ANO10: variants seen among roughly 807,000 people sequenced by gnomAD.
ANO10 encodes the protein anoctamin-10.
In ANO10, 77 loss-of-function variants were observed where a neutral mutation model predicts 74.7. The observed-to-expected ratio is 1.03, with a 90% CI of 0.86 to 1.25. ANO10 has a LOEUF of 1.25. Ranked by LOEUF, ANO10 falls within the 50% of genes most tolerant of loss-of-function variation. ANO10 has a pLI of 0.00. For missense variants in ANO10, 721 were observed against 778.1 expected, an observed-to-expected ratio of 0.93 and a Z score of 0.87; for synonymous variants, 279 against 284.9, an observed-to-expected ratio of 0.98 and a Z score of 0.21.
In ANO10 at chr3:43,473,556, T is replaced by C. The variant is rs144661634; in HGVS notation, c.1798-40829A>G. Among the ~76,000 whole-genome samples, 168 of 152,312 alleles carry C rather than the reference T, an allele frequency of 1.1e-3. 2 individuals carry two copies. The East Asian group carries it at 0.027, about 25-fold the overall frequency. On this transcript the variant is annotated intron_variant, in intron 11 of 12. Transcript: ENST00000292246. ...TCTGTTGACTTTTCTCATGTGTCAA[T>C]TTACCAGAATGGTAGGAAAGAAATC...
chr3:43,559,095 T>C (rs1444877148), intron 9 of ANO10, among the ~76,000 whole-genome samples: 1 of 152,216 alleles, frequency 6.6e-6, no homozygotes, highest in Non-Finnish European at 1.5e-5. Context: ...ATTAATGACA[T>C]AGAGCTTCAT....
chr3:43,661,345 G>C (rs1279780199), intron 1 of ANO10, among the ~76,000 whole-genome samples: 1 of 152,116 alleles, frequency 6.6e-6, no homozygotes, highest in Non-Finnish European at 1.5e-5. Flanking sequence ...CTTTACAGAC[G>C]AGCAAATGCT....
chr3:43,537,839 AT>A (rs1429637422), intron 11 of ANO10, among the ~76,000 whole-genome samples: 2 of 152,176 alleles, frequency 1.3e-5, no homozygotes, highest in Non-Finnish European at 2.9e-5. Flanking sequence ...AACATCTTAC[AT>A]CTGTAAGCAC....
chr3:43,622,591 C>G (rs1033070373), upstream of ANO10, among the ~76,000 whole-genome samples: 3 of 152,212 alleles, frequency 2.0e-5, no homozygotes. Flanking sequence ...CCAACCACAG[C>G]CAAATCCCAA....
intron 1 of ANO10, among the ~76,000 whole-genome samples, chr3:43,653,280 A>G (rs921990759): frequency 2.6e-5 from 4 of 152,346 alleles, no homozygotes; most frequent in African/African-American, 9.6e-5. Context: ...CAGACAATTC[A>G]TAATATAAGA....
intron 11 of ANO10, among the ~76,000 whole-genome samples, chr3:43,532,305 G>C (rs1432674615): frequency 1.3e-5 from 2 of 152,162 alleles, no homozygotes; most frequent in African/African-American, 4.8e-5. Context: ...AAGATTAGGG[G>C]AGAAAAAGCC....
intron 7 of ANO10, among the ~76,000 whole-genome samples, chr3:43,567,948 G>A (rs2080462931): frequency 6.6e-6 from 1 of 152,094 alleles, no homozygotes; most frequent in South Asian, 2.1e-4. Flanking sequence ...CATCTCACGT[G>A]CAGAGACACC....
chr3:43,568,607 G>A (rs2080507928), intron 7 of ANO10, among the ~76,000 whole-genome samples: 1 of 148,532 alleles, frequency 6.7e-6, no homozygotes, highest in African/African-American at 2.5e-5. Flanking sequence ...ACGAAATGAA[G>A]GCAGAAATAA....
chr3:43,598,565 G>A lies in ANO10; in HGVS notation c.439C>T (p.Pro147Ser), dbSNP rs760118437. The A allele has an allele frequency of 5.0e-6, 8 of 1,612,876 alleles. No homozygotes were observed. The highest frequency in any genetic ancestry group is 1.6e-4 in the Middle Eastern group (1 of 6,072). Residue 147 changes from proline to serine, a missense_variant, in exon 4 of 13, where the codon CCT becomes TCT. Transcript: ENST00000292246. The stretch of plus-strand genomic sequence containing the variant: ...TTTCCTGGATACAACTTTGCCTGAG[G>A]GTAACCAGGGATCATTTTTTCATCT... ...AKDEKMIPGY[P>S]QAKLYPGKSL... is the part of the protein sequence containing the mutation.
chr3:43,565,078 T>C (rs2149358214), intron 8 of ANO10, among the ~76,000 whole-genome samples: 1 of 152,296 alleles, frequency 6.6e-6, no homozygotes, highest in Non-Finnish European at 1.5e-5. Context: ...TCTCAGAATA[T>C]TAAAACTGGG....
At chr3:43,554,940 T>C (rs2079664764) in intron 10 of ANO10, among the ~76,000 whole-genome samples, 1 of 152,210 alleles carries the variant, frequency 6.6e-6, no homozygotes, top group Non-Finnish European at 1.5e-5. Flanking sequence ...AGGCTCCCCA[T>C]GTGGCTTCCA....
At chr3:43,527,268 A>G (rs1292249087) in intron 11 of ANO10, among the ~76,000 whole-genome samples, 2 of 152,150 alleles carry the variant, frequency 1.3e-5, no homozygotes, top group East Asian at 1.9e-4. Flanking sequence ...TACAGATGAC[A>G]TATTAGAGGT....
intron 12 of ANO10, among the ~76,000 whole-genome samples, chr3:43,375,063 G>C (rs2091750097): frequency 6.6e-6 from 1 of 152,012 alleles, no homozygotes. Flanking sequence ...GGAGGGTGCA[G>C]TGAGCCGAGA....
intron 11 of ANO10, chr3:43,485,287 C>G: frequency 1.7e-6 from 1 of 589,438 alleles, no homozygotes; most frequent in Non-Finnish European, 3.1e-6. Flanking sequence ...TTGCCACCGT[C>G]GCAGACCCGC....
upstream of ANO10, among the ~76,000 whole-genome samples, chr3:43,622,316 G>C (rs2083436821): frequency 6.6e-6 from 1 of 152,162 alleles, no homozygotes; most frequent in Non-Finnish European, 1.5e-5. Context: ...AAATCCGGAC[G>C]GCAGCGGGAG....
chr3:43,520,148 C>T (rs1455719652), intron 11 of ANO10, among the ~76,000 whole-genome samples: 2 of 152,210 alleles, frequency 1.3e-5, no homozygotes, highest in East Asian at 3.9e-4. Context: ...CCCTTCCTGG[C>T]CTGGTCCATA....
chr3:43,381,450 A>G (rs1475241383), intron 12 of ANO10, among the ~76,000 whole-genome samples: 1 of 152,198 alleles, frequency 6.6e-6, no homozygotes, highest in Non-Finnish European at 1.5e-5. Context: ...CTTTAAAACA[A>G]CAACAGTTAA....
intron 11 of ANO10, among the ~76,000 whole-genome samples, chr3:43,460,362 ACT>A (rs1172917461): frequency 2.0e-5 from 3 of 152,278 alleles, no homozygotes; most frequent in Admixed American, 6.5e-5. Context: ...CAGCTAAGTA[ACT>A]CTCAGATGCA....
At chr3:43,672,053 G>T (rs2084065530) in intron 1 of ANO10, among the ~76,000 whole-genome samples, 1 of 152,174 alleles carries the variant, frequency 6.6e-6, no homozygotes, top group African/African-American at 2.4e-5. Context: ...TATCTGTTAT[G>T]CTGCTGCAAG....
Sources: allele counts gnomAD v4.1 joint callset (sites outside exome capture counted in the v4.1 genomes callset), GRCh38; gene constraint gnomAD v4.1.1; transcripts MANE v1.5; gene names NCBI Gene and HGNC (gene_info 2026-07-23, HGNC 2026-07-21).